Variants in KLHL4 observed in about 807,000 individuals in gnomAD.
KLHL4 encodes kelch-like protein 4.
KLHL4 carries 17 observed loss-of-function variants against 45.8 expected under a neutral mutation model. The ratio of observed to expected loss-of-function variants is 0.37; its 90% CI spans 0.25 to 0.56. The LOEUF (loss-of-function observed/expected upper bound fraction) is 0.56, where lower values mean the gene tolerates loss of function less well. Among genes scored for constraint, KLHL4 ranks in the 20% least tolerant of loss-of-function variants. The pLI is 0.79. For missense variants in KLHL4, 544 were observed against 544.9 expected (o/e 1.00, Z 0.02); for synonymous variants, 224 against 189.9 (o/e 1.18, Z -1.47).
chrX:87,561,539 G>A (rs1932098601), intron 1 of KLHL4, among the ~76,000 whole-genome samples: 1 of 111,537 alleles, frequency 9.0e-6, no homozygotes, highest in Admixed American at 9.6e-5. Context: ...AGGCTAAAGT[G>A]TTATGGGATC....
At chrX:87,543,563 C>T (rs1931611138) in intron 1 of KLHL4, among the ~76,000 whole-genome samples, 1 of 110,711 alleles carries the variant, frequency 9.0e-6, no homozygotes, top group Non-Finnish European at 1.9e-5. Flanking sequence ...GGAGGGAGAA[C>T]ACGGCAATTA....
At chrX:87,639,436 T>C (rs1438860067) in intron 9 of KLHL4, among the ~76,000 whole-genome samples, 1 of 111,648 alleles carries the variant, frequency 9.0e-6, no homozygotes, top group Non-Finnish European at 1.9e-5. Context: ...ATAGACCATA[T>C]GACAAAACAA....
chrX:87,574,151 T>G (rs182550993), intron 1 of KLHL4, among the ~76,000 whole-genome samples: 17 of 111,915 alleles, frequency 1.5e-4, no homozygotes, highest in Non-Finnish European at 7.5e-5. Context: ...AATTTAAAAA[T>G]GTAAAATATA....
intron 1 of KLHL4, among the ~76,000 whole-genome samples, chrX:87,531,620 C>A (rs1363339627): frequency 2.8e-5 from 3 of 106,454 alleles, no homozygotes; most frequent in African/African-American, 1.0e-4. Flanking sequence ...AGCTGATAAG[C>A]AACTTCAGCA....
At chrX:87,565,518 A>G (rs1932187562) in intron 1 of KLHL4, among the ~76,000 whole-genome samples, 1 of 109,872 alleles carries the variant, frequency 9.1e-6, no homozygotes, top group Admixed American at 9.7e-5. Flanking sequence ...ACTTGAGGCC[A>G]AGAATTTGAG....
At chrX:87,604,759 C>A (rs1348300300) in intron 1 of KLHL4, among the ~76,000 whole-genome samples, 1 of 110,992 alleles carries the variant, frequency 9.0e-6, no homozygotes, top group Non-Finnish European at 1.9e-5. Flanking sequence ...TATAAAAAAA[C>A]TTTTCAGTTT....
chrX:87,645,449 G>A (rs1024533330), intron 9 of KLHL4, among the ~76,000 whole-genome samples: 1 of 111,482 alleles, frequency 9.0e-6, no homozygotes, highest in Admixed American at 9.5e-5. Flanking sequence ...TACACTGCTG[G>A]TGGGAATGTA....
chrX:87,648,276 T>C (rs879134867), intron 9 of KLHL4, among the ~76,000 whole-genome samples: 1 of 111,602 alleles, frequency 9.0e-6, no homozygotes, highest in Admixed American at 9.6e-5. Flanking sequence ...GACATAATTG[T>C]GGAATGGCAT....
rs180822039 is a variant in KLHL4 at position 87,636,550 on chromosome X, G to T, written c.1925+775G>T. 1.5e-3 allele frequency among the ~76,000 whole-genome samples: 172 copies of T among 111,739 alleles called. 1 individual carries two copies. The highest frequency in any genetic ancestry group is 5.3e-3 in the African/African-American group (163 of 30,752). ...CAATGTGAGCCTGCTTGCTTTCTCA[G>T]CTGGGAGTCTTATGGCCTGGGGTAG... On this transcript the variant is annotated intron_variant, in intron 9 of 10. Transcript: ENST00000373119.
chrX:87,623,683 G>A (rs1033165333), intron 5 of KLHL4, among the ~76,000 whole-genome samples: 4 of 111,240 alleles, frequency 3.6e-5, no homozygotes, highest in African/African-American at 1.3e-4. Context: ...TGCAATGAAA[G>A]AACGTTGATT....
rs1922793250 is a variant in KLHL4 at position 87,622,706 on chromosome X, G to A, written c.1137+283G>A. Among the ~76,000 whole-genome samples the A allele has an allele frequency of 5.4e-5, 3 of 55,701 alleles. No individual in the cohort carries two copies. The South Asian group carries it at 2.6e-3, about 48-fold the overall frequency. 48.4% of individuals were successfully genotyped at this position (55,701 alleles called of 115,157 possible). ...TTGTAAAAAGCTGGGAAAATGACTA[G>A]GCTAACTCTTTTTTTTTTTCCTGCA... is the stretch of plus-strand genomic sequence containing the variant. On this transcript the variant is annotated intron_variant, in intron 5 of 10. Transcript: ENST00000373119.
chrX:87,591,771 T>C (rs1921673266), intron 1 of KLHL4, among the ~76,000 whole-genome samples: 1 of 111,994 alleles, frequency 8.9e-6, no homozygotes, highest in Non-Finnish European at 1.9e-5. Context: ...ATATGAGATA[T>C]TTTGATAAAG....
At chrX:87,607,855 C>A (rs1194566596) in intron 1 of KLHL4, among the ~76,000 whole-genome samples, 1 of 111,651 alleles carries the variant, frequency 9.0e-6, no homozygotes, top group Non-Finnish European at 1.9e-5. Flanking sequence ...GGGGTGATAT[C>A]ATTTAGTCCC....
chrX:87,568,062 TTAAA>T (rs1364918907), intron 1 of KLHL4, among the ~76,000 whole-genome samples: 1 of 111,518 alleles, frequency 9.0e-6, no homozygotes, highest in Non-Finnish European at 1.9e-5. Flanking sequence ...TTATGCTAAG[TTAAA>T]TAAATTATAC....
intron 1 of KLHL4, among the ~76,000 whole-genome samples, chrX:87,604,074 C>A (rs755584845): frequency 1.8e-5 from 2 of 110,594 alleles, no homozygotes; most frequent in East Asian, 2.8e-4. Context: ...GATTTTAATC[C>A]TTTTTATGGC....
rs1419676273 is a variant in KLHL4 at position 87,667,078 on chromosome X, T to C, written c.*544T>C. On this transcript the variant is annotated 3_prime_UTR_variant, in exon 11 of 11. Coordinates refer to ENST00000373119, the MANE Select transcript of KLHL4 (RefSeq NM_019117.5). ...CATTTACCAAGAGGAAAGCTTTTACTGTGTTGAAGCTAAAAAAATAATGGC... is the reference window on the plus strand; with the variant it reads ...CATTTACCAAGAGGAAAGCTTTTACCGTGTTGAAGCTAAAAAAATAATGGC... 1 of 683,447 alleles carries C rather than the reference T, an allele frequency of 1.5e-6. No homozygotes were observed. Among genetic ancestry groups the C allele is most frequent in the East Asian group, 1.8e-4 (1 of 5,650 alleles). 56.3% of individuals were successfully genotyped at this position (683,447 alleles called of 1,213,427 possible). A position where few individuals can be genotyped will look rare whatever the true frequency, so the allele number is the denominator to read the frequency against.
chrX:87,568,584 G>A (rs1932269954), intron 1 of KLHL4, among the ~76,000 whole-genome samples: 1 of 109,711 alleles, frequency 9.1e-6, no homozygotes, highest in African/African-American at 3.3e-5. Flanking sequence ...AATATGTATA[G>A]TACTTTCATA....
intron 3 of KLHL4, among the ~76,000 whole-genome samples, chrX:87,614,958 C>T (rs1393484937): frequency 9.0e-6 from 1 of 111,210 alleles, no homozygotes; most frequent in African/African-American, 3.3e-5. Context: ...GAGATTTAGT[C>T]ATTCTGTTCA....
At chrX:87,641,399 G>C (rs1923454321) in intron 9 of KLHL4, among the ~76,000 whole-genome samples, 1 of 112,070 alleles carries the variant, frequency 8.9e-6, no homozygotes, top group Non-Finnish European at 1.9e-5. Flanking sequence ...GAGCTTGCTG[G>C]GTCCCCTAGC....
Sources: gnomAD v4.1 joint callset for allele counts (sites outside exome capture counted in the v4.1 genomes callset) on GRCh38, gnomAD v4.1.1 for gene constraint, MANE v1.5 for transcripts, NCBI Gene and HGNC (gene_info 2026-07-23, HGNC 2026-07-21) for gene names.